The following TMEM131 variants were observed in gnomAD, a reference collection of about 807,000 sequenced individuals.
TMEM131 encodes the protein 2610524E03Rik.
A neutral mutation model predicts 211.6 loss-of-function variants in TMEM131; 66 were observed. The observed-to-expected ratio is 0.31, with a 90% CI of 0.26 to 0.38. The LOEUF is 0.38. Among genes scored for constraint, TMEM131 ranks in the 10% least tolerant of loss-of-function variants. The pLI is 1.00. For missense variants in TMEM131, 2,036 were observed against 2,299.3 expected (o/e 0.89, Z 2.34); for synonymous variants, 844 against 841.3 (o/e 1.00, Z -0.06).
chr2:97,968,675 T>C (rs1475625132), intron 1 of TMEM131, among the ~76,000 whole-genome samples: 2 of 152,194 alleles, frequency 1.3e-5, no homozygotes, highest in African/African-American at 4.8e-5. Context: ...CACTCATCTG[T>C]GCGTAGTGAA....
chr2:97,855,713 AAG>A, intron 5 of TMEM131, among the ~76,000 whole-genome samples: 1 of 152,110 alleles, frequency 6.6e-6, no homozygotes, highest in African/African-American at 2.4e-5. Flanking sequence ...AAAAAAAAAA[AAG>A]GCATTATATT....
At chr2:97,840,647 AT>A (rs1683154339) in intron 7 of TMEM131, among the ~76,000 whole-genome samples, 1 of 152,220 alleles carries the variant, frequency 6.6e-6, no homozygotes, top group Non-Finnish European at 1.5e-5. Flanking sequence ...TAGATTTGTA[AT>A]AACAGCCAGA....
At chr2:97,761,850 G>A in intron 36 of TMEM131, 185 bp downstream of exon 36, 1 of 589,680 alleles carries the variant, frequency 1.7e-6, no homozygotes. Context: ...GGTTACTGTT[G>A]GAGCTGGGCA....
chr2:97,785,044 CACT>C (rs1305692533), intron 31 of TMEM131, among the ~76,000 whole-genome samples: 1 of 152,060 alleles, frequency 6.6e-6, no homozygotes, highest in South Asian at 2.1e-4. Context: ...GATTAAAAAA[CACT>C]ACTACCACAA....
At chr2:97,910,819 G>C (rs1676261744) in intron 2 of TMEM131, among the ~76,000 whole-genome samples, 1 of 152,026 alleles carries the variant, frequency 6.6e-6, no homozygotes, top group African/African-American at 2.4e-5. Flanking sequence ...TTTGGTACCA[G>C]TACCATGTTG....
In TMEM131 at chr2:97,838,921, C is replaced by T. The variant is rs546553796; in HGVS notation, c.724-1764G>A. ...CTTATTGTGTTAATAATAATAGCACCTTAAATGATAGGATGACTATAGAAC... is the reference window on the plus strand; with the variant it reads ...CTTATTGTGTTAATAATAATAGCACTTTAAATGATAGGATGACTATAGAAC... On this transcript the variant is annotated intron_variant, in intron 7 of 40. Coordinates refer to ENST00000186436, the MANE Select transcript of TMEM131 (RefSeq NM_015348.2). Among the ~76,000 whole-genome samples, 82 of 152,224 alleles carry T rather than the reference C, an allele frequency of 5.4e-4. 1 individual carries two copies. The highest frequency in any genetic ancestry group is 1.9e-3 in the African/African-American group (77 of 41,540).
At chr2:97,789,409 C>CCA (rs1435813587) in intron 31 of TMEM131, among the ~76,000 whole-genome samples, 1 of 152,236 alleles carries the variant, frequency 6.6e-6, no homozygotes, top group Admixed American at 6.5e-5. Context: ...ATGGCATGTG[C>CCA]CACTTCCTGC....
In TMEM131 at chr2:97,995,893, G is replaced by A. The variant is rs895344388; in HGVS notation, c.-231C>T. ...CGCCTACAAGCAGTCGGAGCGGAGA[G>A]GCCGCGGGTCAGGCGCGGCGGGCGG... On this transcript the variant is annotated 5_prime_UTR_variant, in exon 1 of 41. Coordinates refer to ENST00000186436, the MANE Select transcript of TMEM131 (RefSeq NM_015348.2). 15 of 233,128 alleles carry A rather than the reference G, an allele frequency of 6.4e-5. No homozygotes were observed. The highest frequency in any genetic ancestry group is 1.1e-4 in the Non-Finnish European group (14 of 123,548). 14.4% of individuals were successfully genotyped at this position (233,128 alleles called of 1,614,324 possible).
chr2:97,811,442 A>C (rs992276410), intron 17 of TMEM131, among the ~76,000 whole-genome samples: 72 of 152,294 alleles, frequency 4.7e-4, no homozygotes, highest in African/African-American at 1.4e-3. Flanking sequence ...GGGCCACTGA[A>C]AAAGCTGGTT....
chr2:97,791,950 T>C (rs1046290957), intron 31 of TMEM131, among the ~76,000 whole-genome samples: 3 of 152,184 alleles, frequency 2.0e-5, no homozygotes, highest in Admixed American at 6.5e-5. Context: ...CAATAAAACT[T>C]TATTTATAAA....
chr2:97,985,275 T>C (rs1229848677), intron 1 of TMEM131, among the ~76,000 whole-genome samples: 1 of 152,068 alleles, frequency 6.6e-6, no homozygotes, highest in Non-Finnish European at 1.5e-5. Context: ...CATAAAAACA[T>C]ACATATTAAT....
chr2:97,815,078 CA>C (rs1163701350), intron 13 of TMEM131, 120 bp downstream of exon 13: 19 of 515,902 alleles, frequency 3.7e-5, no homozygotes, highest in African/African-American at 3.0e-4. Context: ...GCTGTTCTTT[CA>C]AAAAATAATT....
chr2:97,904,728 T>C (rs1225968465), intron 3 of TMEM131, among the ~76,000 whole-genome samples: 2 of 152,164 alleles, frequency 1.3e-5, no homozygotes, highest in Non-Finnish European at 2.9e-5. Flanking sequence ...GTTTATGCCT[T>C]CTTTTAGATC....
chr2:97,944,206 T>C (rs1398933821), intron 1 of TMEM131, among the ~76,000 whole-genome samples: 1 of 152,158 alleles, frequency 6.6e-6, no homozygotes, highest in Admixed American at 6.5e-5. Context: ...AATTGATGAA[T>C]GCCAAGATAA....
chr2:97,834,479 A>C, intron 10 of TMEM131, 142 bp downstream of exon 10: 2 of 712,488 alleles, frequency 2.8e-6, no homozygotes, highest in Admixed American at 3.6e-5. Context: ...GCTGAGTCTG[A>C]AAAGGAGATT....
At chr2:97,879,256 C>T (rs1674822903) in intron 4 of TMEM131, among the ~76,000 whole-genome samples, 1 of 152,066 alleles carries the variant, frequency 6.6e-6, no homozygotes, top group Non-Finnish European at 1.5e-5. Flanking sequence ...AGAGAATAAG[C>T]CAATACATAG....
rs759062535 is a variant in TMEM131, at chr2:97,834,732, C to T, written c.955+43G>A. ...TTTCACTTTGCCAGAGTAAGCTATA[C>T]TGAAAACAAAACAACTTTCGATTTC... On this transcript the variant is annotated intron_variant, in intron 9 of 40. Transcript: ENST00000186436. The T allele has an allele frequency of 1.9e-6, 3 of 1,608,140 alleles. No individual in the cohort carries two copies. The African/African-American group carries it at 4.0e-5, about 22-fold the overall frequency.
intron 1 of TMEM131, among the ~76,000 whole-genome samples, chr2:97,965,302 C>T (rs1351737550): frequency 6.6e-6 from 1 of 152,202 alleles, no homozygotes; most frequent in African/African-American, 2.4e-5. Context: ...CTCATCGCTT[C>T]GTACCCCTCC....
At chr2:97,949,997 C>G (rs1365725356) in intron 1 of TMEM131, among the ~76,000 whole-genome samples, 6 of 152,094 alleles carry the variant, frequency 3.9e-5, no homozygotes, top group African/African-American at 1.5e-4. Context: ...CTTGTACCTG[C>G]AAACCCAAAG....
Sources: allele counts gnomAD v4.1 joint callset (sites outside exome capture counted in the v4.1 genomes callset), GRCh38; gene constraint gnomAD v4.1.1; transcripts MANE v1.5; gene names NCBI Gene and HGNC (gene_info 2026-07-23, HGNC 2026-07-21).